PIP5K1B: variants seen among roughly 807,000 people sequenced by gnomAD.
PIP5K1B encodes the protein phosphatidylinositol 4-phosphate 5-kinase type-1 beta.
In PIP5K1B, 42 loss-of-function variants were observed where a neutral mutation model predicts 67.0. That is an observed-to-expected ratio of 0.63 (90% CI 0.49 to 0.81). The LOEUF is 0.81. Among genes scored for constraint, PIP5K1B ranks in the 30% least tolerant of loss-of-function variants. The pLI is 0.00. For missense variants in PIP5K1B, 459 were observed against 646.3 expected (o/e 0.71, Z 3.14); for synonymous variants, 214 against 231.4 (o/e 0.92, Z 0.68).
chr9:68,958,663 A>G (rs1234353396), intron 14 of PIP5K1B, among the ~76,000 whole-genome samples: 1 of 152,070 alleles, frequency 6.6e-6, no homozygotes, highest in Non-Finnish European at 1.5e-5. Flanking sequence ...TAATATTTTT[A>G]ATTATTTTTT....
At chr9:68,999,318 A>T (rs1830718740) in intron 15 of PIP5K1B, among the ~76,000 whole-genome samples, 1 of 152,152 alleles carries the variant, frequency 6.6e-6, no homozygotes, top group African/African-American at 2.4e-5. Context: ...GGGGGACACA[A>T]TTCAGCCCAC....
At chr9:68,870,131 T>C (rs1211029292) in intron 5 of PIP5K1B, among the ~76,000 whole-genome samples, 4 of 152,240 alleles carry the variant, frequency 2.6e-5, no homozygotes, top group Admixed American at 1.3e-4. Flanking sequence ...TATACAATAT[T>C]CTACTTTATT....
chr9:68,838,715 A>G (rs542052793), intron 4 of PIP5K1B, among the ~76,000 whole-genome samples: 217 of 152,316 alleles, frequency 1.4e-3, no homozygotes, highest in African/African-American at 5.1e-3. Context: ...ATACCTGGTA[A>G]CAAACCTGCA....
At chr9:68,961,166 C>T (rs528033041) in intron 14 of PIP5K1B, among the ~76,000 whole-genome samples, 29 of 150,404 alleles carry the variant, frequency 1.9e-4, no homozygotes, top group Non-Finnish European at 2.8e-4. Context: ...GCCGAGATTG[C>T]GCCACTGCAG....
At chr9:68,859,218 G>A (rs1217090290) in intron 4 of PIP5K1B, among the ~76,000 whole-genome samples, 1 of 152,208 alleles carries the variant, frequency 6.6e-6, no homozygotes, top group Non-Finnish European at 1.5e-5. Context: ...TTAAAAGACA[G>A]TGCTTTGAAA....
chr9:68,882,237 G>A (rs1170430547), intron 6 of PIP5K1B, among the ~76,000 whole-genome samples: 2 of 152,176 alleles, frequency 1.3e-5, no homozygotes, highest in Non-Finnish European at 2.9e-5. Flanking sequence ...TTGCTCTTAA[G>A]AGGCAATGTT....
intron 15 of PIP5K1B, among the ~76,000 whole-genome samples, chr9:69,007,730 A>G (rs1179195611): frequency 1.3e-5 from 2 of 152,040 alleles, no homozygotes; most frequent in Non-Finnish European, 2.9e-5. Context: ...GATGGCAGGC[A>G]GCTGTAGTCC....
At chr9:68,839,783 G>T (rs1291412744) in intron 4 of PIP5K1B, among the ~76,000 whole-genome samples, 1 of 152,212 alleles carries the variant, frequency 6.6e-6, no homozygotes, top group African/African-American at 2.4e-5. Flanking sequence ...GAAAGAGGAG[G>T]AGAAATGCCA....
chr9:68,711,496 G>A (rs1407741452), intron 1 of PIP5K1B, among the ~76,000 whole-genome samples: 1 of 152,340 alleles, frequency 6.6e-6, no homozygotes, highest in East Asian at 1.9e-4. Flanking sequence ...ACTGTGTCTG[G>A]CAGGTGGTGA....
At chr9:68,992,533 A>G (rs1830425255) in intron 15 of PIP5K1B, among the ~76,000 whole-genome samples, 1 of 152,130 alleles carries the variant, frequency 6.6e-6, no homozygotes, top group Non-Finnish European at 1.5e-5. Flanking sequence ...ACTCCTAGCA[A>G]TACTGGAGTA....
intron 3 of PIP5K1B, among the ~76,000 whole-genome samples, chr9:68,819,915 G>C (rs1309773492): frequency 6.6e-6 from 1 of 152,038 alleles, no homozygotes; most frequent in African/African-American, 2.4e-5. Flanking sequence ...TTAAAAGGAA[G>C]TGTTTTAAAA....
chr9:68,726,983 GTT>G (rs57240097), intron 1 of PIP5K1B, among the ~76,000 whole-genome samples: 2 of 143,224 alleles, frequency 1.4e-5, no homozygotes, highest in Non-Finnish European at 3.1e-5. Flanking sequence ...TAAAGTTGTT[GTT>G]TTTTTTTTTA....
chr9:68,871,688 T>G (rs1823632459), intron 5 of PIP5K1B, among the ~76,000 whole-genome samples: 1 of 152,208 alleles, frequency 6.6e-6, no homozygotes, highest in African/African-American at 2.4e-5. Context: ...GAGCTAAAAA[T>G]GCCCTGATGT....
chr9:68,794,306 G>A (rs1190199974), intron 2 of PIP5K1B, among the ~76,000 whole-genome samples: 3 of 152,178 alleles, frequency 2.0e-5, no homozygotes, highest in Admixed American at 1.3e-4. Context: ...TTGGTAAATT[G>A]GTATTAAGTG....
At chr9:68,903,930 G>A (rs1429023838) in intron 8 of PIP5K1B, among the ~76,000 whole-genome samples, 1 of 152,174 alleles carries the variant, frequency 6.6e-6, no homozygotes, top group Non-Finnish European at 1.5e-5. Context: ...TGGACAATAA[G>A]GATGCATTTC....
At chr9:68,956,777 C>T (rs774042769) in intron 14 of PIP5K1B, among the ~76,000 whole-genome samples, 8 of 152,254 alleles carry the variant, frequency 5.3e-5, no homozygotes, top group Middle Eastern at 6.8e-3. Context: ...AACTTTTCAA[C>T]GTGTATGGTG....
intron 11 of PIP5K1B, among the ~76,000 whole-genome samples, chr9:68,921,621 C>T (rs940926224): frequency 5.3e-5 from 8 of 152,164 alleles, no homozygotes; most frequent in African/African-American, 1.7e-4. Flanking sequence ...GAGACCAAAG[C>T]GGGCGGATCA....
intron 14 of PIP5K1B, chr9:68,963,056 A>C (rs931701530): frequency 2.6e-6 from 1 of 379,074 alleles, no homozygotes; most frequent in African/African-American, 2.1e-5. Context: ...AAAGAAACTT[A>C]TATTTGATTT....
At chr9:68,865,236 A>G (rs1213937491) in intron 5 of PIP5K1B, among the ~76,000 whole-genome samples, 1 of 151,524 alleles carries the variant, frequency 6.6e-6, no homozygotes, top group Non-Finnish European at 1.5e-5. Flanking sequence ...CTTGCTTATG[A>G]TCCTACTCTT....
Sources: allele counts gnomAD v4.1 joint callset (sites outside exome capture counted in the v4.1 genomes callset), GRCh38; gene constraint gnomAD v4.1.1; transcripts MANE v1.5; gene names NCBI Gene and HGNC (gene_info 2026-07-23, HGNC 2026-07-21).